NBAS: variants seen among roughly 807,000 people sequenced by gnomAD.
The protein encoded by NBAS is NAG/BC035112 fusion.
Under a neutral mutation model 302.5 loss-of-function variants are expected in NBAS, and 219 were observed. That is an observed-to-expected ratio of 0.72 (90% CI 0.65 to 0.81). The LOEUF is 0.81. Among genes scored for constraint, NBAS ranks in the 30% least tolerant of loss-of-function variants. The pLI is 0.00. For synonymous variants in NBAS, 1,118 were observed against 1,021.6 expected, an observed-to-expected ratio of 1.09 and a Z score of -1.80; for missense variants, 2,932 against 2,841.6, an observed-to-expected ratio of 1.03 and a Z score of -0.72.
chr2:15,348,310 C>T lies in NBAS; in HGVS notation c.4179+3682G>A, dbSNP rs193078172. ...CTTAAAAAGAAAAGCAAAAGACAAT[C>T]ATTTTGGAAGAACTCCTTTTCCTTG... is the stretch of plus-strand genomic sequence containing the variant. On this transcript the variant is annotated intron_variant, in intron 35 of 51. Transcript: ENST00000281513. Among the ~76,000 whole-genome samples, 11 of 152,216 alleles carry T rather than the reference C, an allele frequency of 7.2e-5. 1 individual carries two copies. The South Asian group carries it at 1.5e-3, about 20-fold the overall frequency.
the NBAS span, among the ~76,000 whole-genome samples, chr2:14,840,074 C>T: frequency 1.3e-5 from 2 of 151,528 alleles, no homozygotes; most frequent in Non-Finnish European, 2.9e-5. Flanking sequence ...ATAAATTTAA[C>T]AAGAGATTGA....
At chr2:14,908,479 T>G in the NBAS span, among the ~76,000 whole-genome samples, 2 of 152,256 alleles carry the variant, frequency 1.3e-5, no homozygotes, top group African/African-American at 4.8e-5. Flanking sequence ...TGTGCTCATA[T>G]AGATACTAGC....
intron 41 of NBAS, among the ~76,000 whole-genome samples, chr2:15,290,204 A>G (rs1670246680): frequency 6.6e-6 from 1 of 152,086 alleles, no homozygotes; most frequent in South Asian, 2.1e-4. Context: ...AGTGAAGGTG[A>G]TGCTGCAAAC....
chr2:15,330,253 C>T (rs993233856), intron 36 of NBAS, among the ~76,000 whole-genome samples: 3 of 152,180 alleles, frequency 2.0e-5, no homozygotes, highest in Non-Finnish European at 4.4e-5. Flanking sequence ...TTCCTGAGAG[C>T]CCCCAGTCTG....
intron 44 of NBAS, among the ~76,000 whole-genome samples, chr2:15,253,940 C>T (rs901474027): frequency 6.6e-6 from 1 of 152,174 alleles, no homozygotes; most frequent in Non-Finnish European, 1.5e-5. Context: ...ATGATAACAG[C>T]CCTTGCCCCA....
chr2:15,135,272 A>G, the NBAS span, among the ~76,000 whole-genome samples: 1 of 152,190 alleles, frequency 6.6e-6, no homozygotes, highest in African/African-American at 2.4e-5. Context: ...AGGATGACTT[A>G]AACTGTTCTG....
the NBAS span, among the ~76,000 whole-genome samples, chr2:15,109,011 A>G: frequency 6.6e-6 from 1 of 152,168 alleles, no homozygotes; most frequent in African/African-American, 2.4e-5. Context: ...TCAAATCTTT[A>G]GCAGAATTCT....
intron 47 of NBAS, among the ~76,000 whole-genome samples, chr2:15,227,886 T>C (rs1002477158): frequency 6.6e-6 from 1 of 152,038 alleles, no homozygotes; most frequent in African/African-American, 2.4e-5. Flanking sequence ...ATGAAACTAG[T>C]AGAAGAAAAC....
the NBAS span, among the ~76,000 whole-genome samples, chr2:14,814,431 A>T: frequency 6.6e-6 from 1 of 152,352 alleles, no homozygotes; most frequent in East Asian, 1.9e-4. Context: ...TTGCATCAGC[A>T]TGCCCTGGAT....
intron 47 of NBAS, among the ~76,000 whole-genome samples, chr2:15,227,863 A>G (rs1014606831): frequency 2.0e-5 from 3 of 152,228 alleles, no homozygotes; most frequent in African/African-American, 7.2e-5. Context: ...ACTTAAATGT[A>G]AAACCCAAAA....
intron 9 of NBAS, among the ~76,000 whole-genome samples, chr2:15,517,864 A>G (rs980583092): frequency 7.2e-5 from 11 of 152,294 alleles, no homozygotes; most frequent in East Asian, 3.9e-4. Flanking sequence ...ACCCAGCATC[A>G]CAAGAATATC....
At chr2:14,905,888 C>A in the NBAS span, among the ~76,000 whole-genome samples, 1 of 152,186 alleles carries the variant, frequency 6.6e-6, no homozygotes, top group African/African-American at 2.4e-5. Context: ...AAAACACCTT[C>A]TATCTCTAAA....
chr2:15,050,436 T>C, the NBAS span, among the ~76,000 whole-genome samples: 9 of 152,190 alleles, frequency 5.9e-5, no homozygotes, highest in African/African-American at 2.2e-4. Flanking sequence ...ATAATGTATA[T>C]CAAACCACAC....
chr2:14,942,085 T>C, the NBAS span, among the ~76,000 whole-genome samples: 1 of 152,200 alleles, frequency 6.6e-6, no homozygotes, highest in Non-Finnish European at 1.5e-5. Context: ...TTTTACAATA[T>C]AGAAACTGAG....
chr2:15,379,010 G>T (rs572578496), intron 30 of NBAS, among the ~76,000 whole-genome samples: 2 of 152,210 alleles, frequency 1.3e-5, no homozygotes, highest in South Asian at 4.1e-4. Context: ...AAAAATCGCT[G>T]CAATTGGGTA....
chr2:14,783,197 T>C, the NBAS span, among the ~76,000 whole-genome samples: 126 of 152,296 alleles, frequency 8.3e-4, no homozygotes, highest in African/African-American at 2.8e-3. Context: ...AAATTGACTA[T>C]GAATGAATGA....
the NBAS span, among the ~76,000 whole-genome samples, chr2:15,082,019 G>A: frequency 1.1e-3 from 173 of 152,238 alleles, 1 homozygote; most frequent in Middle Eastern, 3.4e-3. Context: ...TATCTACCAG[G>A]GAAATTGTAA....
the NBAS span, among the ~76,000 whole-genome samples, chr2:14,794,019 G>T: frequency 1.3e-5 from 2 of 152,152 alleles, no homozygotes; most frequent in African/African-American, 4.8e-5. Context: ...AAAAGGACTT[G>T]TCATTAGTAG....
intron 50 of NBAS, chr2:15,180,228 C>T (rs1451844320): frequency 1.3e-5 from 2 of 152,216 alleles, no homozygotes; most frequent in African/African-American, 4.8e-5. Context: ...GAATTCTGCA[C>T]ATTATAGTTT....
Sources: gnomAD v4.1 joint callset for allele counts (sites outside exome capture counted in the v4.1 genomes callset) on GRCh38, gnomAD v4.1.1 for gene constraint, MANE v1.5 for transcripts, NCBI Gene and HGNC (gene_info 2026-07-23, HGNC 2026-07-21) for gene names.